CGNL1: variants seen among roughly 807,000 people sequenced by gnomAD.
CGNL1 encodes the protein cingulin-like protein 1.
Under a neutral mutation model 141.2 loss-of-function variants are expected in CGNL1, and 132 were observed. The observed-to-expected ratio is 0.93, with a 90% CI of 0.81 to 1.08. The LOEUF is 1.08. Among genes scored for constraint, CGNL1 ranks in the 50% least tolerant of loss-of-function variants. CGNL1 has a pLI of 0.00. For synonymous variants in CGNL1, 690 were observed against 622.1 expected (o/e 1.11, Z -1.63); for missense variants, 1,870 against 1,588.6 (o/e 1.18, Z -3.01).
chr15:57,429,263 C>T (rs2063015877), intron 1 of CGNL1, among the ~76,000 whole-genome samples: 3 of 152,124 alleles, frequency 2.0e-5, no homozygotes, highest in Admixed American at 2.0e-4. Flanking sequence ...CTCCACTTGA[C>T]TTGGGGGGTG....
intron 1 of CGNL1, among the ~76,000 whole-genome samples, chr15:57,380,253 C>T (rs1009870091): frequency 1.3e-5 from 2 of 152,074 alleles, no homozygotes; most frequent in Non-Finnish European, 2.9e-5. Flanking sequence ...AGGCTGGTCT[C>T]GAACTCCTGA....
intron 8 of CGNL1, among the ~76,000 whole-genome samples, chr15:57,472,353 TAGA>T (rs1328486709): frequency 2.6e-5 from 4 of 151,810 alleles, no homozygotes; most frequent in Non-Finnish European, 5.9e-5. Context: ...TGAGAGGAAG[TAGA>T]AGCAGATAGG....
chr15:57,453,647 A>C (rs200727173), intron 6 of CGNL1, 36 bp from the exon 7 acceptor site: 6 of 1,611,418 alleles, frequency 3.7e-6, no homozygotes, highest in Non-Finnish European at 5.1e-6. Flanking sequence ...AGCAGAGCCC[A>C]GAAGAGCCTG....
chr15:57,442,342 C>T, intron 3 of CGNL1, 31 bp from the exon 4 acceptor site: 1 of 1,391,536 alleles, frequency 7.2e-7, no homozygotes, highest in Non-Finnish European at 1.0e-6. Flanking sequence ...GGTTGTGTCC[C>T]TCATTGTTTT....
chr15:57,416,579 T>G (rs2152276839), intron 1 of CGNL1, among the ~76,000 whole-genome samples: 2 of 152,286 alleles, frequency 1.3e-5, no homozygotes, highest in Admixed American at 1.3e-4. Flanking sequence ...GAATTTGTGT[T>G]GCTCCAGGAA....
At chr15:57,474,883 G>A (rs1388150919) in intron 8 of CGNL1, among the ~76,000 whole-genome samples, 5 of 152,190 alleles carry the variant, frequency 3.3e-5, no homozygotes, top group Non-Finnish European at 5.9e-5. Flanking sequence ...AGTGAAATAA[G>A]AGTATTGATC....
chr15:57,448,605 G>A (rs1429504798), intron 4 of CGNL1, among the ~76,000 whole-genome samples: 1 of 151,860 alleles, frequency 6.6e-6, no homozygotes, highest in Non-Finnish European at 1.5e-5. Context: ...CCAAGATCTG[G>A]CCAATGCACT....
At chr15:57,499,845 T>C (rs1174741222) in intron 8 of CGNL1, among the ~76,000 whole-genome samples, 1 of 152,230 alleles carries the variant, frequency 6.6e-6, no homozygotes, top group Non-Finnish European at 1.5e-5. Context: ...GGGTTTGAAT[T>C]GAAGCCTTGG....
chr15:57,523,015 C>T (rs1220409914), intron 10 of CGNL1, among the ~76,000 whole-genome samples: 1 of 152,322 alleles, frequency 6.6e-6, no homozygotes, highest in South Asian at 2.1e-4. Flanking sequence ...GTAGTGTTCT[C>T]TTAGCGATTC....
At chr15:57,521,511 C>G (rs2031252429) in intron 10 of CGNL1, among the ~76,000 whole-genome samples, 1 of 152,160 alleles carries the variant, frequency 6.6e-6, no homozygotes, top group South Asian at 2.1e-4. Context: ...TGAACATACC[C>G]AGATAGACAG....
Position 57,378,241 on chromosome 15 carries a change from A to T in CGNL1, c.-16+1674A>T, listed in dbSNP as rs560329406. 3.3e-5 allele frequency among the ~76,000 whole-genome samples: 5 copies of T among 151,926 alleles called. No homozygotes were observed. In the East Asian group the frequency reaches 9.7e-4, roughly 29 times the overall value. On this transcript the variant is annotated intron_variant, in intron 1 of 18. Coordinates refer to ENST00000281282, the MANE Select transcript of CGNL1 (RefSeq NM_032866.5). ...TTTAGTAATGTGATAGTCTCCGGGGATCTTGGTTAATTTACTTTTGTACCC... is the reference window on the plus strand; with the variant it reads ...TTTAGTAATGTGATAGTCTCCGGGGTTCTTGGTTAATTTACTTTTGTACCC...
chr15:57,455,715 C>T (rs575223166), intron 7 of CGNL1, among the ~76,000 whole-genome samples: 8 of 152,266 alleles, frequency 5.3e-5, no homozygotes, highest in Admixed American at 3.3e-4. Context: ...CTGAAATGAA[C>T]TGCATACTTC....
intron 8 of CGNL1, among the ~76,000 whole-genome samples, chr15:57,466,235 T>A (rs1267303924): frequency 1.3e-5 from 2 of 152,118 alleles, no homozygotes; most frequent in African/African-American, 2.4e-5. Context: ...CATTTTACAC[T>A]TTTTTTAGTT....
At chr15:57,433,353 C>G (rs1595698204) in intron 1 of CGNL1, among the ~76,000 whole-genome samples, 1 of 152,182 alleles carries the variant, frequency 6.6e-6, no homozygotes, top group African/African-American at 2.4e-5. Context: ...AGAAGTTCTT[C>G]TCCTTTTCAA....
At chr15:57,446,240 A>G (rs1316087930) in intron 4 of CGNL1, among the ~76,000 whole-genome samples, 1 of 152,194 alleles carries the variant, frequency 6.6e-6, no homozygotes, top group Non-Finnish European at 1.5e-5. Flanking sequence ...AGTAAATTAC[A>G]CAAATTCCAT....
chr15:57,466,090 A>G (rs1489522080), intron 8 of CGNL1, among the ~76,000 whole-genome samples: 3 of 152,214 alleles, frequency 2.0e-5, no homozygotes, highest in Admixed American at 1.3e-4. Context: ...TATAATGTGC[A>G]CTATTTAAGT....
intron 1 of CGNL1, among the ~76,000 whole-genome samples, chr15:57,415,899 G>A (rs1336946373): frequency 2.6e-5 from 4 of 152,192 alleles, no homozygotes; most frequent in African/African-American, 9.7e-5. Context: ...TTTTTTCCCA[G>A]CGAACCTCCA....
Position 57,439,375 on chromosome 15 carries a change from C to T in CGNL1, c.1376C>T (p.Ser459Phe), listed in dbSNP as rs7182648. ...GCGCACGGGGCTTCATGTGCCCACT[C>T]CAGGCCTCCCCAGCCGAACATAGAT... ...GAAHGASCAH[S>F]RPPQPNIDGK... The change falls in exon 2 of 19, where the codon TCC becomes TTC. Residue 459 changes from serine (S) to phenylalanine (F), a missense_variant. Coordinates refer to ENST00000281282, the MANE Select transcript of CGNL1 (RefSeq NM_032866.5). The T allele has an allele frequency of 0.21, 333,805 of 1,613,886 alleles. 35,177 individuals carry two copies. The highest frequency in any genetic ancestry group is 0.25 in the Middle Eastern group (1,534 of 6,062).
At chr15:57,391,772 T>C (rs1269366302) in intron 1 of CGNL1, among the ~76,000 whole-genome samples, 1 of 152,188 alleles carries the variant, frequency 6.6e-6, no homozygotes, top group African/African-American at 2.4e-5. Context: ...CCTCAGTGTT[T>C]GATGTTTGCC....
Sources: allele counts gnomAD v4.1 joint callset (sites outside exome capture counted in the v4.1 genomes callset), GRCh38; gene constraint gnomAD v4.1.1; transcripts MANE v1.5; gene names NCBI Gene and HGNC (gene_info 2026-07-23, HGNC 2026-07-21).